Variants in CFLAR observed in about 807,000 individuals in gnomAD.
CFLAR encodes CASP8 and FADD-like apoptosis regulator.
CFLAR carries 14 observed loss-of-function variants against 51.1 expected under a neutral mutation model. The observed-to-expected ratio is 0.27, with a 90% CI of 0.18 to 0.43. CFLAR has a LOEUF of 0.43. CFLAR is among the 20% of genes least tolerant of loss of function. The pLI, the probability that CFLAR is intolerant of heterozygous loss-of-function variation, is 1.00. For missense variants in CFLAR, 390 were observed against 566.5 expected (o/e 0.69, Z 3.16); for synonymous variants, 210 against 211.6 (o/e 0.99, Z 0.06).
At chr2:201,120,782 A>T (rs759293719) in intron 1 of CFLAR, among the ~76,000 whole-genome samples, 37 of 152,092 alleles carry the variant, frequency 2.4e-4, no homozygotes, top group Non-Finnish European at 4.4e-4. Flanking sequence ...CCTTTGGCTT[A>T]TATATCTGTG....
Position 201,160,828 on chromosome 2 carries a change from G to A in CFLAR, c.1190G>A (p.Arg397Gln), listed in dbSNP as rs1280085560. 1.4e-5 allele frequency: 23 copies of A among 1,613,928 alleles called. No individual in the cohort carries two copies. The highest frequency in any genetic ancestry group is 8.8e-5 in the South Asian group (8 of 91,058). ...AQKRGLCTVH[R>Q]EADFFWSLCT... is the part of the protein sequence containing the mutation. The stretch of plus-strand genomic sequence containing the variant: ...AAGCGAGGGCTGTGCACAGTTCACC[G>A]AGAAGCTGACTTCTTCTGGAGCCTG... Residue 397 changes from arginine (R) to glutamine (Q), a missense_variant, in exon 9 of 10, where the codon CGA becomes CAA. Coordinates refer to ENST00000309955, the MANE Select transcript of CFLAR (RefSeq NM_003879.7).
chr2:201,163,129 C>A, intron 9 of CFLAR: 1 of 775,238 alleles, frequency 1.3e-6, no homozygotes, highest in East Asian at 2.6e-5. Context: ...CTGAATTCTC[C>A]CTGACACTGC....
At chr2:201,152,200 G>A (rs1482236862) in intron 8 of CFLAR, among the ~76,000 whole-genome samples, 1 of 152,044 alleles carries the variant, frequency 6.6e-6, no homozygotes, top group East Asian at 1.9e-4. Flanking sequence ...TCACCATGTT[G>A]GCCAGGCTGG....
chr2:201,140,182 C>T (rs996064473), intron 4 of CFLAR, 175 bp from the exon 5 acceptor site: 1 of 676,802 alleles, frequency 1.5e-6, no homozygotes, highest in African/African-American at 1.9e-5. Flanking sequence ...CCCTATACTC[C>T]ATTCTTCATG....
rs781700023 is a variant in CFLAR, at chr2:201,164,091, G to A, written c.*118G>A. On this transcript the variant is annotated 3_prime_UTR_variant, in exon 10 of 10. Coordinates refer to ENST00000309955, the MANE Select transcript of CFLAR (RefSeq NM_003879.7). ...GACCAGCCTGGCCAACATGGTAAAC[G>A]CTGTCCCTAGTAAAAATACAAAAAT... 1.3e-5 allele frequency: 9 copies of A among 705,096 alleles called. No individual in the cohort carries two copies. The highest frequency in any genetic ancestry group is 6.4e-5 in the South Asian group (3 of 46,644). 43.7% of individuals were successfully genotyped at this position (705,096 alleles called of 1,614,324 possible). A position where few individuals can be genotyped will look rare whatever the true frequency, so the allele number is the denominator to read the frequency against.
intron 3 of CFLAR, 137 bp from the exon 4 acceptor site, chr2:201,135,835 C>T: frequency 8.3e-7 from 1 of 1,200,914 alleles, no homozygotes; most frequent in Non-Finnish European, 1.2e-6. Context: ...CTATTTTGCT[C>T]AGGCTGGTCT....
Position 201,136,026 on chromosome 2 carries a change from C to A in CFLAR, c.442C>A (p.Gln148Lys). 6.2e-7 allele frequency: 1 copy of A among 1,614,016 alleles called. No homozygotes were observed. Among genetic ancestry groups the A allele is most frequent in the South Asian group, 1.1e-5 (1 of 91,062 alleles). ...LEKLNLVAPDQLDLLEKCLKN... is the reference protein window; with the variant it reads ...LEKLNLVAPDKLDLLEKCLKN... ...GAAACTAAATCTGGTTGCCCCAGAT[C>A]AACTGGATTTATTAGAAAAATGCCT... Residue 148 changes from glutamine (Q) to lysine (K), a missense_variant, in exon 4 of 10, where the codon CAA (glutamine) becomes AAA (lysine). This residue lies in a region of CFLAR where 103 missense variants were observed against 202.9 expected (regional missense o/e 0.51). Coordinates refer to ENST00000309955, the MANE Select transcript of CFLAR (RefSeq NM_003879.7).
Position 201,138,297 on chromosome 2 carries a change from C to T in CFLAR, c.524-2060C>T. On this transcript the variant is annotated intron_variant, in intron 4 of 9. Transcript: ENST00000309955. This position sits in a 1 kb window ranked among gnomAD's most constrained non-coding sequence, Gnocchi z 4.0. ...GTGAGCAGGTCCAGGTGGTATTTGT[C>T]ATCCTCATGGGTACCCACAGCTGCC... is the stretch of plus-strand genomic sequence containing the variant. 2.6e-6 allele frequency: 2 copies of T among 780,424 alleles called. No homozygotes were observed. Among genetic ancestry groups the T allele is most frequent in the Non-Finnish European group, 4.7e-6 (2 of 424,612 alleles). The allele number at this position is 780,424 out of a possible 1,614,324, so 48.3% of individuals were successfully genotyped here.
chr2:201,129,792 C>T lies in CFLAR; in HGVS notation c.-74C>T. 3 of 1,400,944 alleles carry T rather than the reference C, an allele frequency of 2.1e-6. No individual in the cohort carries two copies. The highest frequency in any genetic ancestry group is 3.0e-6 in the Non-Finnish European group (3 of 1,015,056). 86.8% of individuals were successfully genotyped at this position (1,400,944 alleles called of 1,614,324 possible). ...CAGCCCTCAGAAATGAAGTTGACTG[C>T]CTGCTGGCTTTCTGTTGACTGGCCC... On this transcript the variant is annotated 5_prime_UTR_variant, in exon 2 of 10. Coordinates refer to ENST00000309955, the MANE Select transcript of CFLAR (RefSeq NM_003879.7).
chr2:201,155,584 T>C lies in CFLAR; in HGVS notation c.794-4848T>C, dbSNP rs1004594252. Among the ~76,000 whole-genome samples, 5 of 152,122 alleles carry C rather than the reference T, an allele frequency of 3.3e-5. No individual in the cohort carries two copies. The East Asian group carries it at 9.7e-4, about 29-fold the overall frequency. On this transcript the variant is annotated intron_variant, in intron 8 of 9. Coordinates refer to ENST00000309955, the MANE Select transcript of CFLAR (RefSeq NM_003879.7). The stretch of plus-strand genomic sequence containing the variant: ...TGGCCAAGAGGAAGTATTTTTTTTT[T>C]CTATCCTGCTCTTTCTGAAAAGCTT...
chr2:201,143,850 T>C (rs1316693920), intron 5 of CFLAR, among the ~76,000 whole-genome samples: 1 of 151,432 alleles, frequency 6.6e-6, no homozygotes, highest in Non-Finnish European at 1.5e-5. Context: ...TAATCCCAGC[T>C]ACTCTGGAGG....
chr2:201,164,005 C>A lies in CFLAR; in HGVS notation c.*32C>A, dbSNP rs975870877. On this transcript the variant is annotated 3_prime_UTR_variant, in exon 10 of 10. Transcript: ENST00000309955. ...AAAAGGCTGGGCGTAGTGGCTCACACCTGTAATCCCAGCACTTTGGGAGGC... is the reference window on the plus strand; with the variant it reads ...AAAAGGCTGGGCGTAGTGGCTCACAACTGTAATCCCAGCACTTTGGGAGGC... 2.6e-5 allele frequency: 41 copies of A among 1,586,634 alleles called. No homozygotes were observed. The highest frequency in any genetic ancestry group is 3.4e-5 in the Non-Finnish European group (40 of 1,164,206).
Position 201,140,368 on chromosome 2 carries a change from G to A in CFLAR, c.535G>A (p.Gly179Arg). 2 of 1,609,240 alleles carry A rather than the reference G, an allele frequency of 1.2e-6. No individual in the cohort carries two copies. ...QKYKQSVQGA[G>R]TSYRNVLQAA... ...TTCTGCTTTTATAGTTCAAGGAGCA[G>A]GGACAAGTTACAGGAATGTTCTCCA... is the stretch of plus-strand genomic sequence containing the variant. Residue 179 changes from glycine to arginine, a missense_variant, in exon 5 of 10, where the codon GGG (glycine) becomes AGG (arginine). Physicochemically the swap from Gly to Arg is moderately radical, Grantham distance 125. Coordinates refer to ENST00000309955, the MANE Select transcript of CFLAR (RefSeq NM_003879.7).
At chr2:201,132,440 T>A (rs1301151431) in intron 2 of CFLAR, among the ~76,000 whole-genome samples, 11 of 149,130 alleles carry the variant, frequency 7.4e-5, no homozygotes, top group African/African-American at 2.7e-4. Context: ...AATATATATA[T>A]ATATATATAT....
chr2:201,155,671 T>G (rs1942055807), intron 8 of CFLAR, among the ~76,000 whole-genome samples: 1 of 152,128 alleles, frequency 6.6e-6, no homozygotes, highest in Admixed American at 6.6e-5. Flanking sequence ...TCACCCAGAA[T>G]GGAGCACAGG....
rs1241251449 is a variant in CFLAR at position 201,118,986 on chromosome 2, G to C, written c.-138+2505G>C. On this transcript the variant is annotated intron_variant, in intron 1 of 9. Transcript: ENST00000309955. The surrounding 1 kb of genome is among the most constrained non-coding windows in gnomAD (Gnocchi z 5.1). ...CTGGGACGTCGGGGCACTGTCCCCC[G>C]ATACTGGCAGAAAAGGATTGAGTCC... is the stretch of plus-strand genomic sequence containing the variant. The C allele has an allele frequency of 6.6e-6, 1 of 152,276 alleles. No homozygotes were observed. The highest frequency in any genetic ancestry group is 1.5e-5 in the Non-Finnish European group (1 of 68,112). The allele number at this position is 152,276 out of a possible 1,614,324, so 9.4% of individuals were successfully genotyped here. A position where few individuals can be genotyped will look rare whatever the true frequency, so the allele number is the denominator to read the frequency against.
chr2:201,133,125 C>T lies in CFLAR; in HGVS notation c.378C>T (p.Ser126=), dbSNP rs1428253352. 6.2e-7 allele frequency: 1 copy of T among 1,611,928 alleles called. No homozygotes were observed. The highest frequency in any genetic ancestry group is 8.5e-7 in the Non-Finnish European group (1 of 1,178,152). ...ATTACATGGGCCGAGGCAAGATAAGCAAGGAGAAGGTGAGTTTTCTTCTTT... is the reference window on the plus strand; with the variant it reads ...ATTACATGGGCCGAGGCAAGATAAGTAAGGAGAAGGTGAGTTTTCTTCTTT... ...MKDYMGRGKI[S]KEKSFLDLVV... Residue 126 remains serine (S), a synonymous_variant, in exon 3 of 10, where the codon AGC becomes AGT. Transcript: ENST00000309955.
At chr2:201,141,380 A>C in intron 5 of CFLAR, 6 of 1,558,396 alleles carry the variant, frequency 3.9e-6, no homozygotes, top group Non-Finnish European at 5.2e-6. Flanking sequence ...ACAGATGATA[A>C]CACCCTATGC....
rs545523237 is a variant in CFLAR at position 201,118,644 on chromosome 2, G to A, written c.-138+2163G>A. On this transcript the variant is annotated intron_variant, in intron 1 of 9. Coordinates refer to ENST00000309955, the MANE Select transcript of CFLAR (RefSeq NM_003879.7). The surrounding 1 kb of genome is among the most constrained non-coding windows in gnomAD (Gnocchi z 5.1). ...GGGGAATTCCGCAGACAGGATTCTAGAATTTATGTCTTGTGTGGTAACATT... is the reference window on the plus strand; with the variant it reads ...GGGGAATTCCGCAGACAGGATTCTAAAATTTATGTCTTGTGTGGTAACATT... 1.3e-5 allele frequency: 2 copies of A among 152,244 alleles called. No homozygotes were observed. The highest frequency in any genetic ancestry group is 2.9e-5 in the Non-Finnish European group (2 of 68,050). The allele number at this position is 152,244 out of a possible 1,614,324, so 9.4% of individuals were successfully genotyped here.
Sources: allele counts gnomAD v4.1 joint callset (sites outside exome capture counted in the v4.1 genomes callset), GRCh38; gene constraint gnomAD v4.1.1; regional missense constraint gnomAD v4.1.1; non-coding constraint Gnocchi (gnomAD v3.1); transcripts MANE v1.5; gene names NCBI Gene and HGNC (gene_info 2026-07-23, HGNC 2026-07-21).